SUGP1: variants seen among roughly 807,000 people sequenced by gnomAD.
The protein encoded by SUGP1 is SURP and G-patch domain-containing protein 1.
SUGP1 carries 34 observed loss-of-function variants against 76.5 expected under a neutral mutation model. That is an observed-to-expected ratio of 0.44 (90% confidence interval 0.34 to 0.59). SUGP1 has a LOEUF of 0.59. Among genes scored for constraint, SUGP1 ranks in the 20% least tolerant of loss-of-function variants. The pLI is 0.01. For synonymous variants in SUGP1, 326 were observed against 326.2 expected (o/e 1.00, Z 0.01); for missense variants, 752 against 851.7 (o/e 0.88, Z 1.46).
intron 7 of SUGP1, 160 bp downstream of exon 7, chr19:19,302,105 G>T: frequency 8.7e-7 from 1 of 1,146,540 alleles, no homozygotes. Flanking sequence ...ACATGCCTGT[G>T]GGGAGGCAGA....
chr19:19,319,221 C>T (rs1313253423), intron 1 of SUGP1, among the ~76,000 whole-genome samples: 1 of 151,882 alleles, frequency 6.6e-6, no homozygotes, highest in East Asian at 1.9e-4. Context: ...AACTCCGCTT[C>T]AACAAAAAGA....
intron 7 of SUGP1, among the ~76,000 whole-genome samples, chr19:19,298,916 C>T (rs2061249774): frequency 6.6e-6 from 1 of 152,050 alleles, no homozygotes; most frequent in Admixed American, 6.5e-5. Flanking sequence ...TCACAGTCCC[C>T]TGGAGGGTCT....
chr19:19,311,554 C>A (rs758093499), intron 2 of SUGP1, among the ~76,000 whole-genome samples: 1 of 151,684 alleles, frequency 6.6e-6, no homozygotes, highest in Non-Finnish European at 1.5e-5. Flanking sequence ...AGTGAAACCC[C>A]ATCTCTACTA....
chr19:19,287,007 G>A lies in SUGP1; in HGVS notation c.1244-6716C>T, dbSNP rs562742313. 1.4e-4 allele frequency among the ~76,000 whole-genome samples: 21 copies of A among 152,320 alleles called. 1 individual carries two copies. Among genetic ancestry groups the A allele is most frequent in the African/African-American group, 4.6e-4 (19 of 41,568 alleles). On this transcript the variant is annotated intron_variant, in intron 8 of 13. Transcript: ENST00000247001. Reference sequence around the variant, plus strand: ...ACAACAAAATAGGCCGGGCAAAGTGGCTCACGCCTGTAATCCCAGTACTTT... The same window carrying A: ...ACAACAAAATAGGCCGGGCAAAGTGACTCACGCCTGTAATCCCAGTACTTT...
rs150841061 is a variant in SUGP1, at chr19:19,297,188, G to A, written c.1044C>T (p.Pro348=). 3.1e-5 allele frequency: 50 copies of A among 1,609,474 alleles called. No homozygotes were observed. Among genetic ancestry groups the A allele is most frequent in the Admixed American group, 1.2e-4 (7 of 59,830 alleles). ...SPPEALSGSL[P]PATTCPASST... is the part of the protein sequence containing the mutation. ...ACGAGGCGGGGCAGGTGGTGGCTGG[G>A]GGTAAGGACCCTGACAGGGCCTCAG... The change falls in exon 8 of 14, where the codon CCC becomes CCT. Residue 348 remains proline (P), a synonymous_variant. Transcript: ENST00000247001.
intron 4 of SUGP1, chr19:19,305,615 C>T (rs936278863): frequency 3.6e-5 from 16 of 449,052 alleles, no homozygotes; most frequent in Non-Finnish European, 5.6e-5. Flanking sequence ...AGATGGATCC[C>T]GCTGCTCCCA....
chr19:19,292,283 A>AG (rs2061191359), intron 8 of SUGP1, among the ~76,000 whole-genome samples: 1 of 151,848 alleles, frequency 6.6e-6, no homozygotes, highest in South Asian at 2.1e-4. Context: ...AAAAAAAAAA[A>AG]AAAAAAAGAA....
At chr19:19,308,821 T>A (rs1037091583) in intron 3 of SUGP1, among the ~76,000 whole-genome samples, 3 of 152,000 alleles carry the variant, frequency 2.0e-5, no homozygotes, top group African/African-American at 7.2e-5. Context: ...TCTCTGCTCC[T>A]ACAGGGTAAG....
In SUGP1 at chr19:19,303,544, C is replaced by T. The variant is rs912779337; in HGVS notation, c.663-96G>A. On this transcript the variant is annotated intron_variant, in intron 5 of 13. Coordinates refer to ENST00000247001, the MANE Select transcript of SUGP1 (RefSeq NM_172231.4). ...TATCGTGCAAAAAAAGGCAGGCTGGCGAGCAGGGACCCGAAAGCAAGTCTC... is the reference window on the plus strand; with the variant it reads ...TATCGTGCAAAAAAAGGCAGGCTGGTGAGCAGGGACCCGAAAGCAAGTCTC... The T allele has an allele frequency of 3.7e-5, 51 of 1,365,864 alleles. No individual in the cohort carries two copies. In the Middle Eastern group the frequency reaches 7.2e-4, roughly 19 times the overall value. The allele number at this position is 1,365,864 out of a possible 1,614,324, so 84.6% of individuals were successfully genotyped here.
At position 19,276,454 on chromosome 19, in the gene SUGP1, C is replaced by A; in HGVS notation, c.*194G>T. The A allele has an allele frequency of 1.6e-6, 1 of 641,292 alleles. No individual in the cohort carries two copies. The highest frequency in any genetic ancestry group is 2.8e-6 in the Non-Finnish European group (1 of 362,314). 39.7% of individuals were successfully genotyped at this position (641,292 alleles called of 1,614,324 possible). On this transcript the variant is annotated 3_prime_UTR_variant, in exon 14 of 14. Transcript: ENST00000247001. Reference sequence around the variant, plus strand: ...CAGGCCAATAAGGAGAGCCCCGAGACAGCATCTTGCATCCCGCTGCTAACA... The same window carrying A: ...CAGGCCAATAAGGAGAGCCCCGAGAAAGCATCTTGCATCCCGCTGCTAACA...
chr19:19,278,539 G>A (rs976856795), intron 11 of SUGP1, 151 bp downstream of exon 11: 1 of 650,376 alleles, frequency 1.5e-6, no homozygotes, highest in Admixed American at 2.8e-5. Context: ...GACGGCGCCT[G>A]TCATTAACAG....
At chr19:19,290,962 C>G (rs559217356) in intron 8 of SUGP1, among the ~76,000 whole-genome samples, 1 of 151,410 alleles carries the variant, frequency 6.6e-6, no homozygotes, top group South Asian at 2.1e-4. Flanking sequence ...ACTAAAAATA[C>G]AAAAATTAGC....
intron 4 of SUGP1, among the ~76,000 whole-genome samples, chr19:19,304,357 G>A (rs2061298692): frequency 6.6e-6 from 1 of 152,078 alleles, no homozygotes; most frequent in Non-Finnish European, 1.5e-5. Flanking sequence ...CATGGCCCCA[G>A]GAGTCTCTGA....
chr19:19,319,334 G>A (rs1385060602), intron 1 of SUGP1, among the ~76,000 whole-genome samples: 4 of 152,022 alleles, frequency 2.6e-5, no homozygotes, highest in Non-Finnish European at 5.9e-5. Context: ...CATCCTACCA[G>A]GGCCTCTGCA....
chr19:19,287,663 C>T (rs1038153695), intron 8 of SUGP1, among the ~76,000 whole-genome samples: 2 of 151,998 alleles, frequency 1.3e-5, no homozygotes, highest in Non-Finnish European at 1.5e-5. Context: ...CAAATGAGTG[C>T]CAGATGATGA....
chr19:19,297,962 G>T (rs1336935762), intron 7 of SUGP1, among the ~76,000 whole-genome samples: 1 of 152,174 alleles, frequency 6.6e-6, no homozygotes, highest in Non-Finnish European at 1.5e-5. Flanking sequence ...GGCGCCTCTC[G>T]GACCGTACAC....
chr19:19,298,014 G>A (rs574509975), intron 7 of SUGP1, among the ~76,000 whole-genome samples: 28 of 152,348 alleles, frequency 1.8e-4, no homozygotes, highest in African/African-American at 6.5e-4. Flanking sequence ...TATGCCAAAA[G>A]GGAGAGTCTT....
chr19:19,284,380 G>T (rs1000416418), intron 8 of SUGP1, among the ~76,000 whole-genome samples: 2 of 151,988 alleles, frequency 1.3e-5, no homozygotes, highest in African/African-American at 4.8e-5. Context: ...TGAATTGTTT[G>T]ATATGTGCCA....
rs1007907295 is a variant in SUGP1, at chr19:19,310,125, C to T, written c.282G>A (p.Leu94=). 1 of 1,613,562 alleles carries T rather than the reference C, an allele frequency of 6.2e-7. No individual in the cohort carries two copies. The highest frequency in any genetic ancestry group is 1.3e-5 in the African/African-American group (1 of 74,906). ...TGCTGGTCTGTGCCTTCTGCAACTT[C>T]AGAAACTGCTGCAAGAAGCTACCAT... ...ANDGSFLQQF[L]KLQKAQTSTD... Residue 94 remains leucine (L), a synonymous_variant, in exon 3 of 14, where the codon CTG becomes CTA. Coordinates refer to ENST00000247001, the MANE Select transcript of SUGP1 (RefSeq NM_172231.4).
Sources: allele counts gnomAD v4.1 joint callset (sites outside exome capture counted in the v4.1 genomes callset), GRCh38; gene constraint gnomAD v4.1.1; transcripts MANE v1.5; gene names NCBI Gene and HGNC (gene_info 2026-07-23, HGNC 2026-07-21).